Variants in IGSF3 observed in about 807,000 individuals in gnomAD.
The protein encoded by IGSF3 is glu-Trp-Ile EWI motif-containing protein 3.
A neutral mutation model predicts 114.4 loss-of-function variants in IGSF3; 23 were observed. The ratio of observed to expected loss-of-function variants is 0.20; its 90% CI spans 0.14 to 0.28. The LOEUF is 0.28. Ranked by LOEUF, IGSF3 falls within the 10% of genes least tolerant of loss-of-function variation. The probability of loss-of-function intolerance (pLI) is 1.00; values close to 1 mark genes in which losing one functional copy is unlikely to be tolerated. For synonymous variants in IGSF3, 571 were observed against 645.2 expected, an observed-to-expected ratio of 0.88 and a Z score of 1.74; for missense variants, 1,172 against 1,591.5, an observed-to-expected ratio of 0.74 and a Z score of 4.48.
chr1:116,665,435 T>C lies in IGSF3; in HGVS notation c.43+849A>G, dbSNP rs1013632846. Among the ~76,000 whole-genome samples, 1 of 152,150 alleles carries C rather than the reference T, an allele frequency of 6.6e-6. No homozygotes were observed. The highest frequency in any genetic ancestry group is 1.5e-5 in the Non-Finnish European group (1 of 68,012). On this transcript the variant is annotated intron_variant, in intron 2 of 10. Coordinates refer to ENST00000369486, the MANE Select transcript of IGSF3 (RefSeq NM_001007237.3). The surrounding 1 kb of genome is among the most constrained non-coding windows in gnomAD (Gnocchi z 4.0). ...AGAGAATGGCACCAAATCCTGGCAA[T>C]GAAGTTTATCCTAGACCTGAGATGT...
rs541389870 is a variant in IGSF3 at position 116,627,751 on chromosome 1, A to G, written c.44-11294T>C. On this transcript the variant is annotated intron_variant, in intron 2 of 10. Coordinates refer to ENST00000369486, the MANE Select transcript of IGSF3 (RefSeq NM_001007237.3). This position sits in a 1 kb window ranked among gnomAD's most constrained non-coding sequence, Gnocchi z 4.7. ...TGGCCCTGGCTTCAGGAAGCCCATG[A>G]TAAGTCAGTCTGCTGTGTCCTTCAA... Among the ~76,000 whole-genome samples the G allele has an allele frequency of 1.3e-5, 2 of 152,270 alleles. No individual in the cohort carries two copies. The highest frequency in any genetic ancestry group is 2.1e-4 in the South Asian group (1 of 4,818).
Position 116,600,072 on chromosome 1 carries a change from C to G in IGSF3, c.1898G>C (p.Ser633Thr). 6.2e-7 allele frequency: 1 copy of G among 1,614,162 alleles called. No individual in the cohort carries two copies. The change falls in exon 7 of 11, where the codon AGC (serine) becomes ACC (threonine). Residue 633 changes from serine (S) to threonine (T), a missense_variant. Physicochemically the swap from Ser to Thr is moderately conservative, Grantham distance 58. This residue lies in a region of IGSF3 where 736 missense variants were observed against 1,042.0 expected (regional missense o/e 0.71). Transcript: ENST00000369486. The surrounding 1 kb of genome is among the most constrained non-coding windows in gnomAD (Gnocchi z 5.5). ...ESSNNVRLSI[S>T]RASDTEAGKY... is the part of the protein sequence containing the mutation. ...GCCTGCTTCCGTGTCACTGGCTCGGCTGATGCTTAGGCGGACGTTGTTGCT... is the reference window on the plus strand; with the variant it reads ...GCCTGCTTCCGTGTCACTGGCTCGGGTGATGCTTAGGCGGACGTTGTTGCT...
Position 116,585,360 on chromosome 1 carries a change from C to T in IGSF3, c.2441-308G>A, listed in dbSNP as rs374140646. Reference sequence around the variant, plus strand: ...TAGAGACTGCACATCCAAATGACAACGGACCACAAAACATGTCGCTGGCCG... The same window carrying T: ...TAGAGACTGCACATCCAAATGACAATGGACCACAAAACATGTCGCTGGCCG... On this transcript the variant is annotated intron_variant, in intron 8 of 10. Transcript: ENST00000369486. The surrounding 1 kb of genome is among the most constrained non-coding windows in gnomAD (Gnocchi z 4.9). 7.9e-5 allele frequency among the ~76,000 whole-genome samples: 12 copies of T among 152,204 alleles called. No individual in the cohort carries two copies. In the East Asian group the frequency reaches 1.2e-3, roughly 15 times the overall value.
rs188855674 is a variant in IGSF3, at chr1:116,596,279, A to T, written c.2029+3662T>A. Among the ~76,000 whole-genome samples the T allele has an allele frequency of 1.3e-5, 2 of 152,230 alleles. No homozygotes were observed. Among genetic ancestry groups the T allele is most frequent in the African/African-American group, 2.4e-5 (1 of 41,454 alleles). On this transcript the variant is annotated intron_variant, in intron 7 of 10. Transcript: ENST00000369486. The surrounding 1 kb of genome is among the most constrained non-coding windows in gnomAD (Gnocchi z 4.1). ...GTTCCTATTTGATTCTGATGGAATA[A>T]GAATATTTAACACAATATTCTTTAA...
At chr1:116,606,631 A>T (rs1660803362) in intron 5 of IGSF3, 1 of 707,728 alleles carries the variant, frequency 1.4e-6, no homozygotes, top group Non-Finnish European at 2.6e-6. Flanking sequence ...TACAAAAAAT[A>T]TAGGAAGTAA....
chr1:116,644,472 C>T lies in IGSF3; in HGVS notation c.43+21812G>A, dbSNP rs1458271098. ...CCACTGCCCCAGTGGCTTCTGCATGCAGGTTCATTTGGGACAGGACACCTC... is the reference window on the plus strand; with the variant it reads ...CCACTGCCCCAGTGGCTTCTGCATGTAGGTTCATTTGGGACAGGACACCTC... On this transcript the variant is annotated intron_variant, in intron 2 of 10. Transcript: ENST00000369486. The surrounding 1 kb of genome is among the most constrained non-coding windows in gnomAD (Gnocchi z 5.6). Among the ~76,000 whole-genome samples the T allele has an allele frequency of 1.3e-5, 2 of 152,250 alleles. No homozygotes were observed. Among genetic ancestry groups the T allele is most frequent in the African/African-American group, 2.4e-5 (1 of 41,472 alleles).
Position 116,634,178 on chromosome 1 carries a change from T to C in IGSF3, c.44-17721A>G, listed in dbSNP as rs585596. On this transcript the variant is annotated intron_variant, in intron 2 of 10. Coordinates refer to ENST00000369486, the MANE Select transcript of IGSF3 (RefSeq NM_001007237.3). The surrounding 1 kb of genome is among the most constrained non-coding windows in gnomAD (Gnocchi z 4.2). ...CTTTTTAATTGAACACATGTGAATG[T>C]ATTACCTATTCGAAAAACAAATGAG... Among the ~76,000 whole-genome samples, 150,821 of 152,386 alleles carry C rather than the reference T, an allele frequency of 0.99. 74,649 individuals are homozygous for C. The highest frequency in any genetic ancestry group is 1 in the Middle Eastern group (294 of 294).
At chr1:116,622,825 C>T (rs557824928) in intron 2 of IGSF3, among the ~76,000 whole-genome samples, 2 of 152,348 alleles carry the variant, frequency 1.3e-5, no homozygotes, top group East Asian at 3.9e-4. Flanking sequence ...TAAGAGTTTT[C>T]TTATTCCATG....
intron 2 of IGSF3, among the ~76,000 whole-genome samples, chr1:116,619,538 C>G (rs1389257749): frequency 6.6e-6 from 1 of 152,196 alleles, no homozygotes; most frequent in Non-Finnish European, 1.5e-5. Flanking sequence ...GCTTCTGACC[C>G]CTGAAAATAA....
Position 116,624,229 on chromosome 1 carries a change from AAACAGCC to A in IGSF3, c.44-7779_44-7773del. Reference sequence around the variant, plus strand: ...AAAAAAAAAAAAAAAATGGCTCTTGAAACAGCCATCAATTCCCATGTGATAAATGCAC... The same window carrying A: ...AAAAAAAAAAAAAAAATGGCTCTTGAATCAATTCCCATGTGATAAATGCAC... On this transcript the variant is annotated intron_variant, in intron 2 of 10. Coordinates refer to ENST00000369486, the MANE Select transcript of IGSF3 (RefSeq NM_001007237.3). This position sits in a 1 kb window ranked among gnomAD's most constrained non-coding sequence, Gnocchi z 4.9. Among the ~76,000 whole-genome samples the A allele has an allele frequency of 6.6e-6, 1 of 151,772 alleles. No homozygotes were observed. The highest frequency in any genetic ancestry group is 2.1e-4 in the South Asian group (1 of 4,806).
intron 8 of IGSF3, among the ~76,000 whole-genome samples, chr1:116,586,787 G>A (rs1358052694): frequency 6.6e-6 from 1 of 152,120 alleles, no homozygotes; most frequent in Non-Finnish European, 1.5e-5. Context: ...TCTTTCAGTA[G>A]AGAAAATAAT....
intron 8 of IGSF3, among the ~76,000 whole-genome samples, chr1:116,586,466 A>G (rs1482536740): frequency 6.6e-6 from 1 of 152,180 alleles, no homozygotes; most frequent in Admixed American, 6.5e-5. Flanking sequence ...GGAAAGAACT[A>G]GAAGCAGAGA....
chr1:116,589,932 C>A lies in IGSF3; in HGVS notation c.2030-828G>T, dbSNP rs1361157174. ...AGCGGACATTCTTATCGCTGCACCC[C>A]CAGAGCCTAGCACAGCACCTGGGCC... On this transcript the variant is annotated intron_variant, in intron 7 of 10. Transcript: ENST00000369486. This position sits in a 1 kb window ranked among gnomAD's most constrained non-coding sequence, Gnocchi z 5.7. 1.3e-5 allele frequency among the ~76,000 whole-genome samples: 2 copies of A among 152,160 alleles called. No individual in the cohort carries two copies. The highest frequency in any genetic ancestry group is 2.9e-5 in the Non-Finnish European group (2 of 68,028).
chr1:116,613,101 G>A (rs1661086108), intron 4 of IGSF3, among the ~76,000 whole-genome samples: 1 of 152,252 alleles, frequency 6.6e-6, no homozygotes, highest in Admixed American at 6.5e-5. Flanking sequence ...CATGCCCTAT[G>A]ACTCCTCTTG....
rs1649145745 is a variant in IGSF3, at chr1:116,662,148, G to A, written c.43+4136C>T. 6.6e-6 allele frequency among the ~76,000 whole-genome samples: 1 copy of A among 151,896 alleles called. No individual in the cohort carries two copies. Among genetic ancestry groups the A allele is most frequent in the Non-Finnish European group, 1.5e-5 (1 of 67,970 alleles). The stretch of plus-strand genomic sequence containing the variant: ...TGCAACGGCGCGATCTCGGCTCACT[G>A]CAACCTCTGCCTCCTGGGTTCAAGC... On this transcript the variant is annotated intron_variant, in intron 2 of 10. Coordinates refer to ENST00000369486, the MANE Select transcript of IGSF3 (RefSeq NM_001007237.3). The surrounding 1 kb of genome is among the most constrained non-coding windows in gnomAD (Gnocchi z 4.3).
Position 116,613,958 on chromosome 1 carries a change from C to T in IGSF3, c.639G>A (p.Arg213=). 6.2e-7 allele frequency: 1 copy of T among 1,613,986 alleles called. No individual in the cohort carries two copies. Among genetic ancestry groups the T allele is most frequent in the Non-Finnish European group, 8.5e-7 (1 of 1,179,868 alleles). Residue 213 remains arginine (R), a synonymous_variant, in exon 4 of 11, where the codon AGG becomes AGA. Transcript: ENST00000369486. ...MLHSSSEYAQ[R]QSLGEVRLDK... is the part of the protein sequence containing the mutation. Reference sequence around the variant, plus strand: ...CCAGCCGCACCTCCCCCAGGCTCTGCCTCTGGGCATATTCGCTGCTGGAGT... The same window carrying T: ...CCAGCCGCACCTCCCCCAGGCTCTGTCTCTGGGCATATTCGCTGCTGGAGT...
Position 116,584,793 on chromosome 1 carries a change from C to T in IGSF3, c.2700G>A (p.Val900=), listed in dbSNP as rs1409867962. ...RLHLESPSPG[V]YRLFIQNVAV... is the part of the protein sequence containing the mutation. ...CCACGTTCTGGATGAAGAGACGGTA[C>T]ACGCCGGGGGAAGGACTCTCCAAAT... Residue 900 remains valine, a synonymous_variant, in exon 9 of 11, where the codon GTG becomes GTA. Coordinates refer to ENST00000369486, the MANE Select transcript of IGSF3 (RefSeq NM_001007237.3). The surrounding 1 kb of genome is among the most constrained non-coding windows in gnomAD (Gnocchi z 5.8). 9 of 1,614,144 alleles carry T rather than the reference C, an allele frequency of 5.6e-6. No homozygotes were observed. The highest frequency in any genetic ancestry group is 1.3e-5 in the African/African-American group (1 of 74,950).
chr1:116,654,213 G>A lies in IGSF3; in HGVS notation c.43+12071C>T, dbSNP rs1162929824. On this transcript the variant is annotated intron_variant, in intron 2 of 10. Coordinates refer to ENST00000369486, the MANE Select transcript of IGSF3 (RefSeq NM_001007237.3). This position sits in a 1 kb window ranked among gnomAD's most constrained non-coding sequence, Gnocchi z 4.4. The stretch of plus-strand genomic sequence containing the variant: ...AAAACCAGAAAGGTCTCTGAGAAGT[G>A]CTGCTTGTAGGGAGAAGAATGGCCC... Among the ~76,000 whole-genome samples, 1 of 152,238 alleles carries A rather than the reference G, an allele frequency of 6.6e-6. No individual in the cohort carries two copies. Among genetic ancestry groups the A allele is most frequent in the Non-Finnish European group, 1.5e-5 (1 of 68,050 alleles).
At chr1:116,601,080 C>T (rs1250819002) in intron 6 of IGSF3, among the ~76,000 whole-genome samples, 1 of 152,186 alleles carries the variant, frequency 6.6e-6, no homozygotes, top group Non-Finnish European at 1.5e-5. Context: ...ATAAAGCTAA[C>T]AGTAGCCAGT....
Sources: gnomAD v4.1 joint callset for allele counts (sites outside exome capture counted in the v4.1 genomes callset) on GRCh38, gnomAD v4.1.1 for gene constraint, gnomAD v4.1.1 regional missense constraint, Gnocchi (gnomAD v3.1) non-coding constraint, MANE v1.5 for transcripts, NCBI Gene and HGNC (gene_info 2026-07-23, HGNC 2026-07-21) for gene names.